The following AGAP3 variants were observed in gnomAD, a reference collection of about 807,000 sequenced individuals.
AGAP3 encodes arf-GAP with GTPase, ANK repeat and PH domain-containing protein 3.
In AGAP3, 24 loss-of-function variants were observed where a neutral mutation model predicts 96.9. The observed-to-expected ratio is 0.25, with a 90% confidence interval of 0.18 to 0.35. The LOEUF is 0.35. Ranked by LOEUF, AGAP3 falls within the 10% of genes least tolerant of loss-of-function variation. The probability of loss-of-function intolerance (pLI) is 1.00; values close to 1 mark genes in which losing one functional copy is unlikely to be tolerated. For synonymous variants in AGAP3, 563 were observed against 536.1 expected, an observed-to-expected ratio of 1.05 and a Z score of -0.69; for missense variants, 876 against 1,254.2, an observed-to-expected ratio of 0.70 and a Z score of 4.55.
In AGAP3 at chr7:151,143,310, G is replaced by T; in HGVS notation, c.2274-31G>T. The T allele has an allele frequency of 6.3e-7, 1 of 1,581,414 alleles. No individual in the cohort carries two copies. Among genetic ancestry groups the T allele is most frequent in the Non-Finnish European group, 8.6e-7 (1 of 1,160,924 alleles). On this transcript the variant is annotated intron_variant, in intron 16 of 17. Coordinates refer to ENST00000397238, the MANE Select transcript of AGAP3 (RefSeq NM_031946.7). This position sits in a 1 kb window ranked among gnomAD's most constrained non-coding sequence, Gnocchi z 5.9. ...CACCCGTTGCTCGGTGACCTTCCTT[G>T]GCTCATGCCCTGATGGGCCTGTGGT...
At chr7:151,120,731 G>T in intron 8 of AGAP3, 1 of 1,210,846 alleles carries the variant, frequency 8.3e-7, no homozygotes, top group Non-Finnish European at 1.1e-6. Flanking sequence ...ACGCTGCCTC[G>T]TTCCTCCCTC....
intron 1 of AGAP3, among the ~76,000 whole-genome samples, chr7:151,097,673 C>T (rs1798664158): frequency 6.6e-6 from 1 of 152,046 alleles, no homozygotes; most frequent in African/African-American, 2.4e-5. Flanking sequence ...TAGGAAGTCA[C>T]ATGGTGGAAG....
chr7:151,118,775 T>C lies in AGAP3; in HGVS notation c.969+143T>C, dbSNP rs114098093. The stretch of plus-strand genomic sequence containing the variant: ...AGCCTTGCATGTTGCTTGGAAACAT[T>C]GGTTGGAATTCCATTTAGCCGGCAC... On this transcript the variant is annotated intron_variant, in intron 7 of 17. Transcript: ENST00000397238. This position sits in a 1 kb window ranked among gnomAD's most constrained non-coding sequence, Gnocchi z 6.1. The C allele has an allele frequency of 2.6e-4, 326 of 1,236,216 alleles. 1 individual carries two copies. In the African/African-American group the frequency reaches 4.6e-3, roughly 18 times the overall value. The allele number at this position is 1,236,216 out of a possible 1,614,324, so 76.6% of individuals were successfully genotyped here.
Position 151,138,165 on chromosome 7 carries a change from C to T in AGAP3, c.1518C>T (p.Ser506=), listed in dbSNP as rs758832960. The T allele has an allele frequency of 1.3e-5, 21 of 1,605,356 alleles. No homozygotes were observed. The highest frequency in any genetic ancestry group is 1.6e-5 in the Non-Finnish European group (19 of 1,176,568). ...CAGGTGCCCCCCACTCGGCCAGCAG[C>T]GCATCCCTGCACTCTGAGCGCCCCC... ...GGTGAPHSAS[S]ASLHSERPLS... is the part of the protein sequence containing the mutation. Residue 506 remains serine, a synonymous_variant, in exon 12 of 18, where the codon AGC becomes AGT. Coordinates refer to ENST00000397238, the MANE Select transcript of AGAP3 (RefSeq NM_031946.7).
At chr7:151,095,537 G>A (rs78247998) in intron 1 of AGAP3, among the ~76,000 whole-genome samples, 3,744 of 152,030 alleles carry the variant, frequency 0.025, 149 homozygotes, top group African/African-American at 0.086. Flanking sequence ...GCAGAGGGAG[G>A]ACCGAAAAGT....
intron 9 of AGAP3, among the ~76,000 whole-genome samples, chr7:151,125,239 C>A (rs729711): frequency 1.3e-4 from 20 of 152,034 alleles, no homozygotes; most frequent in African/African-American, 4.1e-4. Flanking sequence ...CACACTTCAC[C>A]GAATTCACTA....
chr7:151,141,769 C>T lies in AGAP3; in HGVS notation c.1805-129C>T, dbSNP rs1245383345. 1.3e-5 allele frequency: 16 copies of T among 1,198,728 alleles called. No homozygotes were observed. The highest frequency in any genetic ancestry group is 1.8e-5 in the Non-Finnish European group (15 of 826,062). The allele number at this position is 1,198,728 out of a possible 1,614,324, so 74.3% of individuals were successfully genotyped here. On this transcript the variant is annotated intron_variant, in intron 13 of 17. Transcript: ENST00000397238. This position sits in a 1 kb window ranked among gnomAD's most constrained non-coding sequence, Gnocchi z 4.2. ...AGCTGTCCTGGAGTGTGTGGCCTTG[C>T]AGCTGGGGAAGGGTCTAGGGGAGGA...
chr7:151,108,295 C>T lies in AGAP3; in HGVS notation c.332-8498C>T, dbSNP rs2150438625. ...CTGCTCTCAAGTACCATCTGTAGTA[C>T]TACAATACCGCCATGTCACCGGCCT... On this transcript the variant is annotated intron_variant, in intron 1 of 17. Coordinates refer to ENST00000397238, the MANE Select transcript of AGAP3 (RefSeq NM_031946.7). The surrounding 1 kb of genome is among the most constrained non-coding windows in gnomAD (Gnocchi z 4.2). Among the ~76,000 whole-genome samples the T allele has an allele frequency of 6.6e-6, 1 of 152,330 alleles. No homozygotes were observed. The highest frequency in any genetic ancestry group is 1.9e-4 in the East Asian group (1 of 5,174).
chr7:151,099,840 T>A (rs4517031), intron 1 of AGAP3, among the ~76,000 whole-genome samples: 21,272 of 152,166 alleles, frequency 0.14, 3,259 homozygotes, highest in African/African-American at 0.38. Context: ...TTTGTGTTTG[T>A]CCCATACTAA....
intron 1 of AGAP3, chr7:151,087,296 T>C (rs1366914935): frequency 8.8e-6 from 5 of 570,784 alleles, no homozygotes; most frequent in African/African-American, 3.8e-5. Flanking sequence ...CTGACTGTGT[T>C]CCAGGGCGCG....
chr7:151,123,128 T>C, intron 8 of AGAP3: 3 of 1,104,118 alleles, frequency 2.7e-6, no homozygotes, highest in Non-Finnish European at 3.3e-6. Context: ...GGGGGCGCTT[T>C]CCTGCCCCTC....
At chr7:151,095,265 C>T (rs1373033455) in intron 1 of AGAP3, among the ~76,000 whole-genome samples, 1 of 152,228 alleles carries the variant, frequency 6.6e-6, no homozygotes, top group African/African-American at 2.4e-5. Context: ...ACTTCGGCCT[C>T]AATGTGCCCT....
rs368600470 is a variant in AGAP3, at chr7:151,116,833, C to T, written c.372C>T (p.Ser124=). Residue 124 remains serine (S), a synonymous_variant, in exon 2 of 18, where the codon TCC becomes TCT. Transcript: ENST00000397238. Reference sequence around the variant, plus strand: ...GCCAGGAGTGGACGCTGAGCCGCTCCGTACCGGAGCTTAAAGTGGTGAGTG... The same window carrying T: ...GCCAGGAGTGGACGCTGAGCCGCTCTGTACCGGAGCTTAAAGTGGTGAGTG... ...VNSQEWTLSR[S]VPELKVGIVG... is the part of the protein sequence containing the mutation. 48 of 1,613,960 alleles carry T rather than the reference C, an allele frequency of 3.0e-5. No homozygotes were observed. The Admixed American group carries it at 3.0e-4, about 10-fold the overall frequency.
chr7:151,142,570 C>G lies in AGAP3; in HGVS notation c.2209C>G (p.Leu737Val), dbSNP rs776153021. 1 of 1,613,676 alleles carries G rather than the reference C, an allele frequency of 6.2e-7. No individual in the cohort carries two copies. Among genetic ancestry groups the G allele is most frequent in the Non-Finnish European group, 8.5e-7 (1 of 1,180,034 alleles). ...TGTCATGACTGCCATGGGCAATGCC[C>G]TCGCCAACAGCGTCTGGGAGGGGGC... ...LAVMTAMGNALANSVWEGALG... is the reference protein window; with the variant it reads ...LAVMTAMGNAVANSVWEGALG... Residue 737 changes from leucine (L) to valine (V), a missense_variant, in exon 16 of 18, where the codon CTC becomes GTC. Leu to Val is a conservative substitution (Grantham distance 32). This residue lies in a region of AGAP3 where 213 missense variants were observed against 253.8 expected (regional missense o/e 0.84). Coordinates refer to ENST00000397238, the MANE Select transcript of AGAP3 (RefSeq NM_031946.7). The surrounding 1 kb of genome is among the most constrained non-coding windows in gnomAD (Gnocchi z 7.5).
intron 11 of AGAP3, 77 bp downstream of exon 11, chr7:151,134,645 T>C: frequency 7.0e-7 from 1 of 1,433,936 alleles, no homozygotes; most frequent in Non-Finnish European, 9.5e-7. Context: ...TGGGCTTGGC[T>C]GCTTCTCAGC....
At chr7:151,115,457 C>T in intron 1 of AGAP3, 2 of 1,015,942 alleles carry the variant, frequency 2.0e-6, no homozygotes, top group Non-Finnish European at 1.2e-6. Flanking sequence ...GCGCCTTCCC[C>T]AGCCGCCGCG....
Position 151,123,713 on chromosome 7 carries a change from G to T in AGAP3, c.1129-81G>T, listed in dbSNP as rs1800029642. On this transcript the variant is annotated intron_variant, in intron 8 of 17. Coordinates refer to ENST00000397238, the MANE Select transcript of AGAP3 (RefSeq NM_031946.7). ...AGGGCTGCCCAGGAGGAGGGAGGCA[G>T]GAGGGAGGCCGGGAAGTCCAGGTGG... The T allele has an allele frequency of 1.9e-6, 3 of 1,590,656 alleles. No homozygotes were observed. In the Admixed American group the frequency reaches 5.0e-5, roughly 27 times the overall value.
chr7:151,088,462 G>A (rs1261319423), intron 1 of AGAP3, among the ~76,000 whole-genome samples: 1 of 152,208 alleles, frequency 6.6e-6, no homozygotes, highest in Non-Finnish European at 1.5e-5. Flanking sequence ...GCGAGCCCTG[G>A]GCCCCAAAGA....
intron 2 of AGAP3, 42 bp downstream of exon 2, chr7:151,116,893 G>C (rs776995682): frequency 1.2e-6 from 2 of 1,610,548 alleles, no homozygotes; most frequent in Non-Finnish European, 1.7e-6. Context: ...CTGGAGCTGG[G>C]GGGGCGAGGC....
Sources: gnomAD v4.1 joint callset for allele counts (sites outside exome capture counted in the v4.1 genomes callset) on GRCh38, gnomAD v4.1.1 for gene constraint, gnomAD v4.1.1 regional missense constraint, Gnocchi (gnomAD v3.1) non-coding constraint, MANE v1.5 for transcripts, NCBI Gene and HGNC (gene_info 2026-07-23, HGNC 2026-07-21) for gene names.